Variants in P2RY8 observed in about 807,000 individuals in gnomAD.
P2RY8 encodes S-geranylgeranyl-glutathione receptor P2RY8.
P2RY8 carries 6 observed loss-of-function variants against 10.0 expected under a neutral mutation model. That is an observed-to-expected ratio of 0.60 (90% CI 0.33 to 1.19). The LOEUF (loss-of-function observed/expected upper bound fraction) is 1.19. Among genes scored for constraint, P2RY8 ranks in the 50% most tolerant of loss-of-function variants. The pLI is 0.04. For missense variants in P2RY8, 456 were observed against 542.0 expected (o/e 0.84, Z 1.58); for synonymous variants, 276 against 252.5 (o/e 1.09, Z -0.88).
Position 1,518,421 on chromosome X carries a change from G to A in P2RY8, c.-25+18500C>T, listed in dbSNP as rs1249734438. ...AGCGTGGGTGACAGAGCGAGACTCCGTCTCAAAAAAAAAAAAATAATAATA... is the reference window on the plus strand; with the variant it reads ...AGCGTGGGTGACAGAGCGAGACTCCATCTCAAAAAAAAAAAAATAATAATA... On this transcript the variant is annotated intron_variant, in intron 1 of 1. Coordinates refer to ENST00000381297, the MANE Select transcript of P2RY8 (RefSeq NM_178129.5). Among the ~76,000 whole-genome samples, 342 of 59,610 alleles carry A rather than the reference G, an allele frequency of 5.7e-3. 2 individuals are homozygous for A. Among genetic ancestry groups the A allele is most frequent in the African/African-American group, 0.019 (310 of 16,696 alleles). 39.1% of individuals were successfully genotyped at this position (59,610 alleles called of 152,430 possible).
chrX:1,527,139 C>A (rs1392598924), intron 1 of P2RY8, among the ~76,000 whole-genome samples: 2 of 152,174 alleles, frequency 1.3e-5, no homozygotes, highest in African/African-American at 4.8e-5. Flanking sequence ...AGGTGATCCG[C>A]CTACCTCAGA....
intron 1 of P2RY8, among the ~76,000 whole-genome samples, chrX:1,488,902 G>T (rs1368173717): frequency 6.6e-6 from 1 of 152,070 alleles, no homozygotes; most frequent in Admixed American, 6.6e-5. Context: ...GGGAATGAAT[G>T]AATGATACCC....
chrX:1,505,213 C>T (rs1364525419), intron 1 of P2RY8, among the ~76,000 whole-genome samples: 2 of 151,792 alleles, frequency 1.3e-5, no homozygotes, highest in Non-Finnish European at 2.9e-5. Context: ...TCTCAGAGGA[C>T]CTGAGCTGGG....
intron 1 of P2RY8, among the ~76,000 whole-genome samples, chrX:1,473,516 CATGGATGGGTGG>C (rs2091824704): frequency 2.0e-5 from 1 of 50,880 alleles, no homozygotes; most frequent in Non-Finnish European, 4.2e-5. Context: ...TGGATGGATG[CATGGATGGGTGG>C]ATGGATGGGT....
chrX:1,518,915 T>G (rs2092370973), intron 1 of P2RY8, among the ~76,000 whole-genome samples: 1 of 152,012 alleles, frequency 6.6e-6, no homozygotes. Context: ...TGATCCCCAA[T>G]CATCTCCTTG....
At chrX:1,520,551 C>A (rs183493531) in intron 1 of P2RY8, among the ~76,000 whole-genome samples, 377 of 151,276 alleles carry the variant, frequency 2.5e-3, no homozygotes, top group African/African-American at 8.9e-3. Flanking sequence ...TCTCTCTGAT[C>A]CCCAATATTA....
At chrX:1,509,184 TATCTATCC>T (rs1183705105) in intron 1 of P2RY8, among the ~76,000 whole-genome samples, 1 of 142,998 alleles carries the variant, frequency 7.0e-6, no homozygotes, top group South Asian at 2.2e-4. Flanking sequence ...TCTATCTATC[TATCTATCC>T]ATCTATGTAT....
intron 1 of P2RY8, among the ~76,000 whole-genome samples, chrX:1,509,022 C>G (rs865838890): frequency 2.0e-5 from 3 of 151,408 alleles, no homozygotes; most frequent in African/African-American, 7.3e-5. Flanking sequence ...ATCCATCCAT[C>G]CATCCATCCA....
At chrX:1,524,048 G>T (rs2092411540) in intron 1 of P2RY8, among the ~76,000 whole-genome samples, 1 of 152,158 alleles carries the variant, frequency 6.6e-6, no homozygotes, top group Non-Finnish European at 1.5e-5. Flanking sequence ...AAATAAAACA[G>T]CAGTATTTAT....
chrX:1,522,138 G>C (rs1312181845), intron 1 of P2RY8, among the ~76,000 whole-genome samples: 1 of 150,566 alleles, frequency 6.6e-6, no homozygotes, highest in Admixed American at 6.6e-5. Context: ...ATTTTTAGTA[G>C]AGACGGGGGT....
At position 1,466,518 on chromosome X, in the gene P2RY8, A is replaced by G; in HGVS notation, c.41T>C (p.Leu14Pro). 6.2e-7 allele frequency: 1 copy of G among 1,610,126 alleles called. No homozygotes were observed. The highest frequency in any genetic ancestry group is 8.5e-7 in the Non-Finnish European group (1 of 1,179,520). Residue 14 changes from leucine (L) to proline (P), a missense_variant, in exon 2 of 2, where the codon CTG (leucine) becomes CCG (proline). Leu to Pro is a moderately conservative substitution (Grantham distance 98, BLOSUM62 -3). Coordinates refer to ENST00000381297, the MANE Select transcript of P2RY8 (RefSeq NM_178129.5). Reference protein sequence around the residue: ...PNSTGPDNATLQMLRNPAIAV... With the variant: ...PNSTGPDNATPQMLRNPAIAV... ...GATCGCCGGGTTCCGCAGCATCTGCAGCGTCGCGTTGTCCGGGCCGGTGCT... is the reference window on the plus strand; with the variant it reads ...GATCGCCGGGTTCCGCAGCATCTGCGGCGTCGCGTTGTCCGGGCCGGTGCT...
chrX:1,472,019 C>T (rs1216204330), intron 1 of P2RY8, among the ~76,000 whole-genome samples: 1 of 152,100 alleles, frequency 6.6e-6, no homozygotes, highest in Admixed American at 6.5e-5. Flanking sequence ...CCTCAGGAGG[C>T]CCTCAACCCC....
chrX:1,469,881 C>T (rs2091761966), intron 1 of P2RY8, among the ~76,000 whole-genome samples: 1 of 152,002 alleles, frequency 6.6e-6, no homozygotes, highest in East Asian at 1.9e-4. Flanking sequence ...CCAGCCTGGG[C>T]AACAGAGCGA....
intron 1 of P2RY8, among the ~76,000 whole-genome samples, chrX:1,493,427 GGAGGGAGGGAAGGAGGAGGAA>G (rs2092082082): frequency 1.6e-4 from 7 of 42,670 alleles, no homozygotes; most frequent in Non-Finnish European, 2.1e-4. Context: ...GGAGGAAGGA[GGAGGGAGGGAAGGAGGAGGAA>G]GGAGGAAGGA....
At chrX:1,527,598 TCATC>T (rs1378626709) in intron 1 of P2RY8, among the ~76,000 whole-genome samples, 1 of 151,874 alleles carries the variant, frequency 6.6e-6, no homozygotes, top group African/African-American at 2.4e-5. Context: ...ATCCATCTGT[TCATC>T]CATCCATCCA....
chrX:1,520,825 TG>T (rs2092384900), intron 1 of P2RY8, among the ~76,000 whole-genome samples: 1 of 151,994 alleles, frequency 6.6e-6, no homozygotes, highest in Admixed American at 6.6e-5. Flanking sequence ...TTTCTAATAT[TG>T]TCTCTGGTCC....
At chrX:1,528,572 G>A (rs1398893846) in intron 1 of P2RY8, among the ~76,000 whole-genome samples, 1 of 152,246 alleles carries the variant, frequency 6.6e-6, no homozygotes. Context: ...CTGGTCTTTG[G>A]ATTGAGTGTG....
intron 1 of P2RY8, among the ~76,000 whole-genome samples, chrX:1,501,644 A>T (rs1401254020): frequency 6.6e-6 from 1 of 152,000 alleles, no homozygotes; most frequent in Non-Finnish European, 1.5e-5. Flanking sequence ...CCCAGGCTGG[A>T]GTGCAGTGGT....
chrX:1,470,630 C>G (rs2091772722), intron 1 of P2RY8, among the ~76,000 whole-genome samples: 1 of 152,094 alleles, frequency 6.6e-6, no homozygotes, highest in Non-Finnish European at 1.5e-5. Context: ...TCTGCCTATT[C>G]TAGATATTTT....
Sources: gnomAD v4.1 joint callset for allele counts (sites outside exome capture counted in the v4.1 genomes callset) on GRCh38, gnomAD v4.1.1 for gene constraint, MANE v1.5 for transcripts, NCBI Gene and HGNC (gene_info 2026-07-23, HGNC 2026-07-21) for gene names.